The following GNG2 variants were observed in gnomAD, a reference collection of about 807,000 sequenced individuals.
The protein encoded by GNG2 is G protein subunit gamma 2.
Under a neutral mutation model 5.5 loss-of-function variants are expected in GNG2, and 5 were observed. The ratio of observed to expected loss-of-function variants is 0.91; its 90% CI spans 0.48 to 1.92. GNG2 has a LOEUF of 1.92. Ranked by LOEUF, GNG2 falls within the 30% of genes most tolerant of loss-of-function variation. The pLI is 0.01. For missense variants in GNG2, 55 were observed against 88.4 expected, an observed-to-expected ratio of 0.62 and a Z score of 1.52; for synonymous variants, 28 against 32.0, an observed-to-expected ratio of 0.88 and a Z score of 0.42.
intron 2 of GNG2, among the ~76,000 whole-genome samples, chr14:51,829,104 C>T (rs1467048379): frequency 6.6e-6 from 1 of 152,166 alleles, no homozygotes; most frequent in Admixed American, 6.5e-5. Context: ...GCTGTGAACA[C>T]CTCAGTAAGG....
At chr14:51,941,690 C>T (rs940654039) in intron 2 of GNG2, among the ~76,000 whole-genome samples, 1 of 152,190 alleles carries the variant, frequency 6.6e-6, no homozygotes, top group South Asian at 2.1e-4. Context: ...GTGTTTATTA[C>T]TAAGCCTAAA....
chr14:51,838,318 C>T (rs1052159974), intron 2 of GNG2, among the ~76,000 whole-genome samples: 3 of 152,090 alleles, frequency 2.0e-5, no homozygotes, highest in African/African-American at 4.8e-5. Flanking sequence ...GTGGCGTGCA[C>T]CTGTAATCAC....
chr14:51,902,392 C>G (rs940677599), intron 2 of GNG2, among the ~76,000 whole-genome samples: 1 of 152,152 alleles, frequency 6.6e-6, no homozygotes, highest in Non-Finnish European at 1.5e-5. Context: ...AAAGTAAAGA[C>G]AGGTGGAGGA....
chr14:51,942,678 C>T (rs760332444), intron 2 of GNG2, among the ~76,000 whole-genome samples: 20 of 148,612 alleles, frequency 1.3e-4, no homozygotes, highest in African/African-American at 3.2e-4. Context: ...CCCTTCTCAG[C>T]GCCCCCAAGT....
Position 51,888,523 on chromosome 14 carries a change from T to C in GNG2, c.-30+10866T>C, listed in dbSNP as rs139710013. ...TTTGAAGAGATAGGGTCTCGTTATG[T>C]TACCTGGGCTGGTCTTGAATACCTG... On this transcript the variant is annotated intron_variant, in intron 2 of 3. Coordinates refer to ENST00000556766, the MANE Select transcript of GNG2 (RefSeq NM_053064.5). 8.3e-3 allele frequency among the ~76,000 whole-genome samples: 1,263 copies of C among 152,242 alleles called. 18 individuals carry two copies. Among genetic ancestry groups the C allele is most frequent in the African/African-American group, 0.029 (1,190 of 41,528 alleles).
At chr14:51,908,529 T>TCTATCTATCTAG (rs1886080886) in intron 2 of GNG2, among the ~76,000 whole-genome samples, 2 of 35,340 alleles carry the variant, frequency 5.7e-5, no homozygotes, top group Non-Finnish European at 1.1e-4. Context: ...ATTTTAAAGA[T>TCTATCTATCTAG]CTATCTATCT....
chr14:51,933,470 C>G (rs530081824), intron 2 of GNG2, among the ~76,000 whole-genome samples: 22 of 152,288 alleles, frequency 1.4e-4, no homozygotes, highest in African/African-American at 5.3e-4. Flanking sequence ...GACAGGGAAG[C>G]AGAATCAAGG....
intron 2 of GNG2, among the ~76,000 whole-genome samples, chr14:51,915,183 T>C (rs1442423066): frequency 6.6e-6 from 1 of 152,206 alleles, no homozygotes; most frequent in Non-Finnish European, 1.5e-5. Context: ...TAACCTTCTT[T>C]GTTCTTTTCT....
At chr14:51,873,141 C>A (rs2140125298) in intron 1 of GNG2, among the ~76,000 whole-genome samples, 1 of 152,226 alleles carries the variant, frequency 6.6e-6, no homozygotes, top group South Asian at 2.1e-4. Flanking sequence ...TTTCTTCATC[C>A]TTAAGGAGAA....
chr14:51,929,682 C>T (rs1031973686), intron 2 of GNG2, among the ~76,000 whole-genome samples: 2 of 152,178 alleles, frequency 1.3e-5, no homozygotes, highest in African/African-American at 4.8e-5. Flanking sequence ...TTTTTCATGA[C>T]ATTACAGTAT....
intron 2 of GNG2, among the ~76,000 whole-genome samples, chr14:51,853,323 C>T (rs1019492862): frequency 5.4e-4 from 82 of 152,228 alleles, no homozygotes; most frequent in African/African-American, 1.8e-3. Context: ...AGTTATCACA[C>T]TCTAGTGGAC....
At chr14:51,841,937 A>C (rs1262758088) in intron 2 of GNG2, among the ~76,000 whole-genome samples, 1 of 152,250 alleles carries the variant, frequency 6.6e-6, no homozygotes, top group Non-Finnish European at 1.5e-5. Flanking sequence ...AACTGTTTAC[A>C]CACAGCTACC....
intron 2 of GNG2, among the ~76,000 whole-genome samples, chr14:51,915,538 A>C (rs1319221296): frequency 6.6e-6 from 1 of 152,168 alleles, no homozygotes; most frequent in East Asian, 1.9e-4. Context: ...AAAATTAGGG[A>C]GGGGAAATGG....
In GNG2 at chr14:51,905,246, G is replaced by C. The variant is rs182805074; in HGVS notation, c.-30+27589G>C. On this transcript the variant is annotated intron_variant, in intron 2 of 3. Transcript: ENST00000556766. ...GAGAAAAGTCTATTCTTGCTTCCTA[G>C]ACACTTAAGATTCAATAATATTTGA... Among the ~76,000 whole-genome samples, 21 of 152,218 alleles carry C rather than the reference G, an allele frequency of 1.4e-4. No individual in the cohort carries two copies. The East Asian group carries it at 4.0e-3, about 29-fold the overall frequency.
chr14:51,839,188 C>T (rs11851241), intron 2 of GNG2, among the ~76,000 whole-genome samples: 32,244 of 152,000 alleles, frequency 0.21, 3,907 homozygotes, highest in African/African-American at 0.31. Context: ...CATATGTCCA[C>T]GGTGGTCAGG....
At chr14:51,886,690 A>C (rs1225926612) in intron 2 of GNG2, among the ~76,000 whole-genome samples, 1 of 152,192 alleles carries the variant, frequency 6.6e-6, no homozygotes, top group Admixed American at 6.5e-5. Context: ...GCCTCCAGGA[A>C]AGGGATATAG....
intron 3 of GNG2, among the ~76,000 whole-genome samples, chr14:51,956,688 A>G (rs1475945803): frequency 6.6e-6 from 1 of 152,196 alleles, no homozygotes; most frequent in Non-Finnish European, 1.5e-5. Context: ...AACTAAAGCC[A>G]TGATTTTATG....
intron 2 of GNG2, among the ~76,000 whole-genome samples, chr14:51,836,037 G>T (rs1411187557): frequency 6.6e-6 from 1 of 151,514 alleles, no homozygotes; most frequent in Non-Finnish European, 1.5e-5. Flanking sequence ...GAAGGCTGAG[G>T]TATCTAGTAT....
intron 2 of GNG2, among the ~76,000 whole-genome samples, chr14:51,842,979 G>A (rs1233886742): frequency 2.6e-5 from 4 of 152,124 alleles, no homozygotes; most frequent in Non-Finnish European, 4.4e-5. Context: ...TGCCAGAATT[G>A]AAGGAAAATT....
Sources: allele counts gnomAD v4.1 joint callset (sites outside exome capture counted in the v4.1 genomes callset), GRCh38; gene constraint gnomAD v4.1.1; transcripts MANE v1.5; gene names NCBI Gene and HGNC (gene_info 2026-07-23, HGNC 2026-07-21).